CALN1: variants seen among roughly 807,000 people sequenced by gnomAD.
CALN1 encodes the protein calneuron 1, also known as calcium-binding protein 8.
In CALN1, 17 loss-of-function variants were observed where a neutral mutation model predicts 30.6. The ratio of observed to expected loss-of-function variants is 0.56; its 90% CI spans 0.38 to 0.83. The LOEUF (loss-of-function observed/expected upper bound fraction) is 0.83. Ranked by LOEUF, CALN1 falls within the 40% of genes least tolerant of loss-of-function variation. The pLI, the probability that CALN1 is intolerant of heterozygous loss-of-function variation, is 0.00. For synonymous variants in CALN1, 156 were observed against 131.4 expected (o/e 1.19, Z -1.28); for missense variants, 291 against 354.9 (o/e 0.82, Z 1.45).
intron 1 of CALN1, among the ~76,000 whole-genome samples, chr7:72,407,615 C>G (rs1247524411): frequency 6.6e-6 from 1 of 152,160 alleles, no homozygotes; most frequent in Non-Finnish European, 1.5e-5. Flanking sequence ...CCTGAGGCCT[C>G]CCCAGCCATG....
rs1323789221 is a variant in CALN1, at chr7:71,787,287, G to A, written c.*488C>T. ...GGAGGAAGGAAGCCAGGGTGGGATG[G>A]AAAGCCCCCTCTTCTGTGGCAACCC... On this transcript the variant is annotated 3_prime_UTR_variant, in exon 7 of 7. Transcript: ENST00000395275. 3 of 156,810 alleles carry A rather than the reference G, an allele frequency of 1.9e-5. No individual in the cohort carries two copies. Among genetic ancestry groups the A allele is most frequent in the East Asian group, 1.9e-4 (1 of 5,404 alleles). The allele number at this position is 156,810 out of a possible 1,614,324, so 9.7% of individuals were successfully genotyped here.
chr7:72,488,824 TAGGCAC>T, the CALN1 span, among the ~76,000 whole-genome samples: 1 of 152,130 alleles, frequency 6.6e-6, no homozygotes, highest in Admixed American at 6.6e-5. Flanking sequence ...GCTAGGACTG[TAGGCAC>T]ATAGCACCAT....
intron 4 of CALN1, among the ~76,000 whole-genome samples, chr7:72,074,504 T>G (rs1804604725): frequency 6.6e-6 from 1 of 152,104 alleles, no homozygotes; most frequent in Non-Finnish European, 1.5e-5. Context: ...GCCTCCCACG[T>G]TCAAGCGATT....
intron 3 of CALN1, among the ~76,000 whole-genome samples, chr7:72,180,968 G>T (rs1224406886): frequency 6.6e-6 from 1 of 151,706 alleles, no homozygotes; most frequent in Non-Finnish European, 1.5e-5. Flanking sequence ...ACATGGTGCA[G>T]GTGCCTGTAA....
chr7:72,293,228 C>T (rs946544235), intron 2 of CALN1, among the ~76,000 whole-genome samples: 3 of 152,172 alleles, frequency 2.0e-5, no homozygotes, highest in Admixed American at 1.3e-4. Context: ...GAGATGGCAG[C>T]AACGTATTCC....
At chr7:71,929,087 T>C (rs771436226) in intron 5 of CALN1, among the ~76,000 whole-genome samples, 4 of 152,168 alleles carry the variant, frequency 2.6e-5, no homozygotes, top group African/African-American at 4.8e-5. Flanking sequence ...TTTATTCACA[T>C]TGTAGCATGT....
At chr7:72,185,284 G>A (rs538767578) in intron 3 of CALN1, among the ~76,000 whole-genome samples, 1 of 152,204 alleles carries the variant, frequency 6.6e-6, no homozygotes, top group South Asian at 2.1e-4. Context: ...TGAAAGGAAG[G>A]AGCATTTGCT....
upstream of CALN1, among the ~76,000 whole-genome samples, chr7:72,447,794 CG>C (rs1378702095): frequency 9.9e-5 from 15 of 151,772 alleles, no homozygotes; most frequent in East Asian, 2.9e-3. Context: ...CATGCCTGCT[CG>C]TGTATATGCA....
chr7:71,824,152 G>C (rs1352959203), intron 5 of CALN1, among the ~76,000 whole-genome samples: 2 of 152,134 alleles, frequency 1.3e-5, no homozygotes, highest in African/African-American at 4.8e-5. Context: ...TCCTGCCCAG[G>C]TGCCAGGCCT....
At chr7:72,258,890 T>C (rs1249866619) in intron 3 of CALN1, among the ~76,000 whole-genome samples, 2 of 120,176 alleles carry the variant, frequency 1.7e-5, no homozygotes, top group East Asian at 4.2e-4. Flanking sequence ...CTGTCTCTAC[T>C]AAAAAGTAAA....
At position 72,407,052 on chromosome 7, in the gene CALN1, C is replaced by T. The variant is rs78561817; in HGVS notation, c.-73-3610G>A. Among the ~76,000 whole-genome samples the T allele has an allele frequency of 5.3e-5, 8 of 152,272 alleles. No individual in the cohort carries two copies. The East Asian group carries it at 1.5e-3, about 29-fold the overall frequency. Reference sequence around the variant, plus strand: ...CTTATCCACCCAAAAAGTGATGTAGCCCTGGGTCTACGCTTTGAGTACTCT... The same window carrying T: ...CTTATCCACCCAAAAAGTGATGTAGTCCTGGGTCTACGCTTTGAGTACTCT... On this transcript the variant is annotated intron_variant, in intron 1 of 6. Transcript: ENST00000395275.
intron 2 of CALN1, among the ~76,000 whole-genome samples, chr7:72,397,890 C>T (rs922924872): frequency 6.6e-6 from 1 of 152,144 alleles, no homozygotes; most frequent in Admixed American, 6.5e-5. Context: ...CAAGGATGAG[C>T]TTGATGAAGG....
In CALN1 at chr7:72,400,422, A is replaced by C. The variant is rs79139077; in HGVS notation, c.119+2829T>G. Among the ~76,000 whole-genome samples, 517 of 152,226 alleles carry C rather than the reference A, an allele frequency of 3.4e-3. 3 individuals are homozygous for C. The highest frequency in any genetic ancestry group is 0.012 in the African/African-American group (506 of 41,530). On this transcript the variant is annotated intron_variant, in intron 2 of 6. Coordinates refer to ENST00000395275, the MANE Select transcript of CALN1 (RefSeq NM_031468.4). ...AACCCAAGAGACTTAGCTTTCTCAG[A>C]TTTTCCACATCCTTCTAGGTCCTTG...
At chr7:72,418,787 G>T (rs1001174158) in intron 1 of CALN1, among the ~76,000 whole-genome samples, 1 of 152,166 alleles carries the variant, frequency 6.6e-6, no homozygotes, top group Non-Finnish European at 1.5e-5. Flanking sequence ...AAGGTGGGAG[G>T]ATTGCTTGAG....
intron 2 of CALN1, among the ~76,000 whole-genome samples, chr7:72,348,975 C>G (rs1397035772): frequency 1.3e-5 from 2 of 151,910 alleles, no homozygotes; most frequent in African/African-American, 4.8e-5. Context: ...TTAGGATGTT[C>G]AAGGATTTAA....
intron 2 of CALN1, among the ~76,000 whole-genome samples, chr7:72,374,036 A>T (rs1376475594): frequency 1.3e-5 from 2 of 152,224 alleles, no homozygotes; most frequent in Admixed American, 6.5e-5. Flanking sequence ...TCAGGAATGA[A>T]GGTGAAATAA....
chr7:72,039,275 C>A (rs844669), intron 4 of CALN1, among the ~76,000 whole-genome samples: 95,938 of 152,064 alleles, frequency 0.63, 30,517 homozygotes, highest in East Asian at 0.76. Flanking sequence ...GAAGAGGACT[C>A]AGCAAAGGGC....
chr7:71,939,237 A>C (rs892687324), intron 5 of CALN1, among the ~76,000 whole-genome samples: 6 of 152,054 alleles, frequency 3.9e-5, no homozygotes, highest in African/African-American at 1.2e-4. Flanking sequence ...AAAGTACAGC[A>C]GTGACCACAG....
Position 72,025,160 on chromosome 7 carries a change from A to G in CALN1, c.389-1391T>C, listed in dbSNP as rs192862401. Among the ~76,000 whole-genome samples the G allele has an allele frequency of 2.9e-4, 44 of 152,210 alleles. No individual in the cohort carries two copies. The East Asian group carries it at 3.9e-3, about 13-fold the overall frequency. On this transcript the variant is annotated intron_variant, in intron 4 of 6. Transcript: ENST00000395275. Reference sequence around the variant, plus strand: ...ACCCTGTCTCTACTAAAAGTACAAAATTAGCTGGGTGTGGTTGTCCATGCC... The same window carrying G: ...ACCCTGTCTCTACTAAAAGTACAAAGTTAGCTGGGTGTGGTTGTCCATGCC...
Sources: allele counts gnomAD v4.1 joint callset (sites outside exome capture counted in the v4.1 genomes callset), GRCh38; gene constraint gnomAD v4.1.1; transcripts MANE v1.5; gene names NCBI Gene and HGNC (gene_info 2026-07-23, HGNC 2026-07-21).